MYLK: variants seen among roughly 807,000 people sequenced by gnomAD.
MYLK encodes the protein myosin light chain kinase, also known as myosin light chain kinase, smooth muscle.
A neutral mutation model predicts 203.4 loss-of-function variants in MYLK; 106 were observed. The ratio of observed to expected loss-of-function variants is 0.52; its 90% CI spans 0.45 to 0.61. The LOEUF is 0.61. Among genes scored for constraint, MYLK ranks in the 20% least tolerant of loss-of-function variants. MYLK has a pLI of 0.00. For missense variants in MYLK, 2,072 were observed against 2,442.3 expected (o/e 0.85, Z 3.20); for synonymous variants, 867 against 959.5 (o/e 0.90, Z 1.78).
chr3:123,869,447 G>A (rs1423243487), intron 2 of MYLK, among the ~76,000 whole-genome samples: 2 of 151,972 alleles, frequency 1.3e-5, no homozygotes, highest in Non-Finnish European at 2.9e-5. Context: ...TGAAAGACAA[G>A]AGGCCCAAAC....
In MYLK at chr3:123,626,889, T is replaced by C; in HGVS notation, c.5167A>G (p.Thr1723Ala). Residue 1723 changes from threonine to alanine, a missense_variant, in exon 31 of 34, where the codon ACC (threonine) becomes GCC (alanine). Transcript: ENST00000360304. ...CLQHPWLMKD[T>A]KNMEAKKLSK... is the part of the protein sequence containing the mutation. Reference sequence around the variant, plus strand: ...AGTTTCTTGGCCTCCATGTTCTTGGTATCTTTCATTAGCCATGGATGCTGA... The same window carrying C: ...AGTTTCTTGGCCTCCATGTTCTTGGCATCTTTCATTAGCCATGGATGCTGA... 6.2e-7 allele frequency: 1 copy of C among 1,614,246 alleles called. No individual in the cohort carries two copies. Among genetic ancestry groups the C allele is most frequent in the Non-Finnish European group, 8.5e-7 (1 of 1,180,024 alleles).
intron 2 of MYLK, among the ~76,000 whole-genome samples, chr3:123,852,045 G>A (rs1403762880): frequency 4.6e-5 from 7 of 152,118 alleles, no homozygotes; most frequent in Non-Finnish European, 7.4e-5. Context: ...GCTGGATTAC[G>A]TTTATTGATT....
In MYLK at chr3:123,664,262, G is replaced by A. The variant is rs778116028; in HGVS notation, c.3832-4C>T. On this transcript the variant is annotated splice_region_variant and splice_polypyrimidine_tract_variant and intron_variant, in intron 22 of 33. Transcript: ENST00000360304. ...TCATGTGCTCGCTTTCCTGGATCTA[G>A]GGGCGGAGGATGGAGCAGGTGCTGG... 3 of 1,614,102 alleles carry A rather than the reference G, an allele frequency of 1.9e-6. No individual in the cohort carries two copies. The highest frequency in any genetic ancestry group is 1.7e-6 in the Non-Finnish European group (2 of 1,180,052).
At chr3:123,733,578 A>C in intron 10 of MYLK, 109 bp downstream of exon 10, 9 of 1,385,620 alleles carry the variant, frequency 6.5e-6, no homozygotes, top group Non-Finnish European at 8.1e-6. Context: ...AGCTAGTCCA[A>C]GAAGATGAGT....
intron 1 of MYLK, among the ~76,000 whole-genome samples, chr3:123,879,104 A>T (rs1375929517): frequency 6.6e-6 from 1 of 152,086 alleles, no homozygotes; most frequent in Non-Finnish European, 1.5e-5. Flanking sequence ...ACAATATATG[A>T]GGCATGAAAA....
At chr3:123,859,714 A>G (rs2031726123) in intron 2 of MYLK, among the ~76,000 whole-genome samples, 1 of 152,230 alleles carries the variant, frequency 6.6e-6, no homozygotes. Flanking sequence ...GACAAGAACA[A>G]ACAATTCACA....
At position 123,692,871 on chromosome 3, in the gene MYLK, G is replaced by A. The variant is rs760319422; in HGVS notation, c.3449-20C>T. On this transcript the variant is annotated intron_variant, in intron 18 of 33. Coordinates refer to ENST00000360304, the MANE Select transcript of MYLK (RefSeq NM_053025.4). The stretch of plus-strand genomic sequence containing the variant: ...GTGAGCCTGGGGAGGAAGAATTGTG[G>A]AGTGAACCAGGTGTGGTCGTAGTAC... The A allele has an allele frequency of 6.9e-6, 11 of 1,601,882 alleles. No individual in the cohort carries two copies. The highest frequency in any genetic ancestry group is 1.7e-5 in the Admixed American group (1 of 59,990).
At chr3:123,647,953 C>T (rs1296302652) in intron 26 of MYLK, among the ~76,000 whole-genome samples, 2 of 152,138 alleles carry the variant, frequency 1.3e-5, no homozygotes, top group Non-Finnish European at 2.9e-5. Flanking sequence ...GTGGAGACAG[C>T]CCTTCCCAAA....
intron 5 of MYLK, among the ~76,000 whole-genome samples, chr3:123,746,145 C>A (rs953823687): frequency 6.6e-6 from 1 of 152,130 alleles, no homozygotes; most frequent in Non-Finnish European, 1.5e-5. Flanking sequence ...TGTGAGCCAC[C>A]ATGCCCGGCT....
At chr3:123,764,331 G>A (rs567231953) in intron 4 of MYLK, among the ~76,000 whole-genome samples, 2 of 152,254 alleles carry the variant, frequency 1.3e-5, no homozygotes, top group African/African-American at 2.4e-5. Flanking sequence ...TGCACAGATG[G>A]GACCTGTCAA....
At chr3:123,633,474 T>C (rs1483535892) in intron 29 of MYLK, among the ~76,000 whole-genome samples, 1 of 152,234 alleles carries the variant, frequency 6.6e-6, no homozygotes, top group African/African-American at 2.4e-5. Flanking sequence ...CAACAAATAA[T>C]GTTAGCATTA....
At chr3:123,849,373 T>G (rs2030455911) in intron 2 of MYLK, among the ~76,000 whole-genome samples, 1 of 152,210 alleles carries the variant, frequency 6.6e-6, no homozygotes, top group African/African-American at 2.4e-5. Flanking sequence ...AGAGATCAGT[T>G]GTGCTGGTCC....
At chr3:123,769,012 T>C (rs1478237906) in intron 4 of MYLK, among the ~76,000 whole-genome samples, 2 of 152,192 alleles carry the variant, frequency 1.3e-5, no homozygotes, top group Admixed American at 1.3e-4. Flanking sequence ...TACACTATTA[T>C]CTACAGTGGT....
chr3:123,868,251 C>CA (rs1560303894), intron 2 of MYLK, among the ~76,000 whole-genome samples: 1 of 150,828 alleles, frequency 6.6e-6, no homozygotes, highest in Non-Finnish European at 1.5e-5. Flanking sequence ...GGAACAAAGG[C>CA]AAAAAAAGAG....
Position 123,640,257 on chromosome 3 carries a change from G to T in MYLK, c.4837+30C>A. The stretch of plus-strand genomic sequence containing the variant: ...GAAACGGCCAGTGCAATACACACTG[G>T]TGTCCATGGGAGAGGCAGATGAGCC... On this transcript the variant is annotated intron_variant, in intron 28 of 33. Coordinates refer to ENST00000360304, the MANE Select transcript of MYLK (RefSeq NM_053025.4). The surrounding 1 kb of genome is among the most constrained non-coding windows in gnomAD (Gnocchi z 4.3). 6.3e-7 allele frequency: 1 copy of T among 1,599,864 alleles called. No homozygotes were observed. Among genetic ancestry groups the T allele is most frequent in the Non-Finnish European group, 8.6e-7 (1 of 1,167,308 alleles).
rs539575735 is a variant in MYLK, at chr3:123,756,151, T to C, written c.166-3613A>G. Among the ~76,000 whole-genome samples the C allele has an allele frequency of 1.6e-4, 24 of 152,120 alleles. No homozygotes were observed. In the East Asian group the frequency reaches 1.7e-3, roughly 11 times the overall value. On this transcript the variant is annotated intron_variant, in intron 4 of 33. Transcript: ENST00000360304. ...TAATTTTGGTTTCCAGGTTGAGTGG[T>C]TGTCTCCATGCCTCATCGTAAATTC... is the stretch of plus-strand genomic sequence containing the variant.
chr3:123,859,979 T>C (rs2031751934), intron 2 of MYLK, among the ~76,000 whole-genome samples: 1 of 150,118 alleles, frequency 6.7e-6, no homozygotes, highest in Non-Finnish European at 1.5e-5. Context: ...AAAAAAAAAC[T>C]CCCCCTCAGA....
chr3:123,797,849 CATT>C (rs1206463612), intron 3 of MYLK, among the ~76,000 whole-genome samples: 4 of 152,354 alleles, frequency 2.6e-5, no homozygotes, highest in Admixed American at 6.5e-5. Flanking sequence ...CTGTCAACAT[CATT>C]ATCATCCAGT....
At chr3:123,615,651 A>ATCTT (rs1205668775) in intron 33 of MYLK, among the ~76,000 whole-genome samples, 2 of 41,148 alleles carry the variant, frequency 4.9e-5, no homozygotes, top group Non-Finnish European at 8.1e-5. Flanking sequence ...ACAATTTTCT[A>ATCTT]TCTTTTTTTT....
Sources: allele counts gnomAD v4.1 joint callset (sites outside exome capture counted in the v4.1 genomes callset), GRCh38; gene constraint gnomAD v4.1.1; non-coding constraint Gnocchi (gnomAD v3.1); transcripts MANE v1.5; gene names NCBI Gene and HGNC (gene_info 2026-07-23, HGNC 2026-07-21).